The following TET3 variants were observed in gnomAD, a reference collection of about 807,000 sequenced individuals.
TET3 encodes the protein methylcytosine dioxygenase TET3.
In TET3, 19 loss-of-function variants were observed where a neutral mutation model predicts 141.4. The ratio of observed to expected loss-of-function variants is 0.13; its 90% CI spans 0.09 to 0.20. The LOEUF (loss-of-function observed/expected upper bound fraction) is 0.20. Ranked by LOEUF, TET3 falls within the 10% of genes least tolerant of loss-of-function variation. The pLI is 1.00. For missense variants in TET3, 1,874 were observed against 2,356.9 expected (o/e 0.80, Z 4.24); for synonymous variants, 1,043 against 980.9 (o/e 1.06, Z -1.18).
At chr2:74,072,969 C>T (rs76530816) in intron 4 of TET3, among the ~76,000 whole-genome samples, 1,868 of 152,322 alleles carry the variant, frequency 0.012, 36 homozygotes, top group African/African-American at 0.041. Context: ...TGTGGACATA[C>T]GCATTTTATG....
At chr2:74,048,444 G>A in intron 4 of TET3, 33 bp downstream of exon 4, 1 of 1,569,074 alleles carries the variant, frequency 6.4e-7, no homozygotes, top group Non-Finnish European at 8.6e-7. Flanking sequence ...GAAGGGCAGA[G>A]AAAGGGCTGT....
At position 74,052,780 on chromosome 2, in the gene TET3, G is replaced by C. The variant is rs550285403; in HGVS notation, c.2494+4369G>C. On this transcript the variant is annotated intron_variant, in intron 4 of 11. Transcript: ENST00000409262. ...AGTTACTCTGGAGGCTGAAGCAGAAGAATCACTTGAACCTGGGAGGCCGAG... is the reference window on the plus strand; with the variant it reads ...AGTTACTCTGGAGGCTGAAGCAGAACAATCACTTGAACCTGGGAGGCCGAG... Among the ~76,000 whole-genome samples, 3 of 152,266 alleles carry C rather than the reference G, an allele frequency of 2.0e-5. No homozygotes were observed. The East Asian group carries it at 5.8e-4, about 29-fold the overall frequency.
intron 3 of TET3, among the ~76,000 whole-genome samples, chr2:74,032,495 G>GCGCGCGCGCGCGCGCGCGA (rs1686798690): frequency 6.7e-6 from 1 of 148,944 alleles, no homozygotes; most frequent in African/African-American, 2.5e-5. Flanking sequence ...GTGTGTGTGT[G>GCGCGCGCGCGCGCGCGCGA]TGTGTGTGTG....
At chr2:74,123,352 C>T in the TET3 span, 1 of 152,486 alleles carries the variant, frequency 6.6e-6, no homozygotes, top group Non-Finnish European at 1.5e-5. Context: ...CACGCGCTGG[C>T]TCACGCCTGT....
intron 4 of TET3, among the ~76,000 whole-genome samples, chr2:74,056,544 A>G (rs565942944): frequency 2.5e-4 from 38 of 152,232 alleles, no homozygotes; most frequent in Non-Finnish European, 5.0e-4. Flanking sequence ...AAGGGGGGGA[A>G]AAAAAGAACC....
intron 3 of TET3, among the ~76,000 whole-genome samples, chr2:74,011,437 G>A (rs144184640): frequency 1.3e-5 from 2 of 152,150 alleles, no homozygotes; most frequent in African/African-American, 2.4e-5. Context: ...ACAGTAGTAC[G>A]TGCTGGCTTT....
At chr2:74,062,247 C>A (rs1377141007) in intron 4 of TET3, among the ~76,000 whole-genome samples, 1 of 152,160 alleles carries the variant, frequency 6.6e-6, no homozygotes, top group African/African-American at 2.4e-5. Context: ...AGCGAAACCC[C>A]GTCTCCACCA....
chr2:74,066,268 C>T (rs4241260), intron 4 of TET3, among the ~76,000 whole-genome samples: 46,963 of 152,034 alleles, frequency 0.31, 7,749 homozygotes, highest in African/African-American at 0.41. Flanking sequence ...CTTAATAAGA[C>T]ACTTAATATC....
intron 3 of TET3, among the ~76,000 whole-genome samples, chr2:74,038,608 G>A (rs1490719776): frequency 6.6e-6 from 1 of 152,168 alleles, no homozygotes; most frequent in African/African-American, 2.4e-5. Context: ...TAATAGCAGA[G>A]AGATCACCAA....
chr2:74,039,802 A>G (rs527245350), intron 3 of TET3, among the ~76,000 whole-genome samples: 63 of 152,274 alleles, frequency 4.1e-4, no homozygotes, highest in Non-Finnish European at 6.2e-4. Flanking sequence ...TGACTCCTCC[A>G]TGTGGCCTCT....
the TET3 span, among the ~76,000 whole-genome samples, chr2:74,116,024 A>T: frequency 2.0e-5 from 3 of 151,696 alleles, no homozygotes; most frequent in Non-Finnish European, 4.4e-5. Flanking sequence ...AAAAAAAAAA[A>T]AAAAGGCTGG....
rs372468375 is a variant in TET3, at chr2:74,087,316, C to T, written c.2680-514C>T. On this transcript the variant is annotated intron_variant, in intron 6 of 11. Transcript: ENST00000409262. This position sits in a 1 kb window ranked among gnomAD's most constrained non-coding sequence, Gnocchi z 4.3. ...GATCTGCCTGAGTCCTGCTCTCAGT[C>T]CCTCGAGTGTATTCCTAGGCATGGA... 5.1e-3 allele frequency among the ~76,000 whole-genome samples: 772 copies of T among 152,250 alleles called. 5 individuals carry two copies. Among genetic ancestry groups the T allele is most frequent in the Non-Finnish European group, 7.9e-3 (537 of 68,022 alleles).
chr2:74,127,911 A>C, the TET3 span, among the ~76,000 whole-genome samples: 1 of 152,240 alleles, frequency 6.6e-6, no homozygotes, highest in African/African-American at 2.4e-5. Context: ...TGCCTAAAGT[A>C]TTAGAAAAAG....
At position 74,090,208 on chromosome 2, in the gene TET3, G is replaced by C. The variant is rs542053532; in HGVS notation, c.3039+161G>C. ...CTGACCTTATCTTGCTGTGAAATAA[G>C]GGGTGTGTGGAGGGCACCAAGTGTG... On this transcript the variant is annotated intron_variant, in intron 8 of 11. Coordinates refer to ENST00000409262, the MANE Select transcript of TET3 (RefSeq NM_001287491.2). 6.6e-5 allele frequency among the ~76,000 whole-genome samples: 10 copies of C among 152,334 alleles called. No individual in the cohort carries two copies. The East Asian group carries it at 9.6e-4, about 15-fold the overall frequency.
At position 74,100,778 on chromosome 2, in the gene TET3, G is replaced by A. The variant is rs765158049; in HGVS notation, c.3990G>A (p.Pro1330=). 18 of 1,612,916 alleles carry A rather than the reference G, an allele frequency of 1.1e-5. No individual in the cohort carries two copies. The East Asian group carries it at 3.1e-4, about 28-fold the overall frequency. The change falls in exon 12 of 12, where the codon CCG becomes CCA. Residue 1330 remains proline (P), a synonymous_variant. Transcript: ENST00000409262. ...ACGCTCTGCACAACAGCCTGAGCCC[G>A]GCCTACGGTGGTGCTGAGTTTGCCG... is the stretch of plus-strand genomic sequence containing the variant. ...DLHALHNSLS[P]AYGGAEFAEL... is the part of the protein sequence containing the mutation.
chr2:74,028,946 G>T (rs1323017652), intron 3 of TET3, among the ~76,000 whole-genome samples: 1 of 152,118 alleles, frequency 6.6e-6, no homozygotes, highest in Non-Finnish European at 1.5e-5. Context: ...AGGAGTCCTG[G>T]CCAAGACTCA....
Position 74,103,967 on chromosome 2 carries a change from G to T in TET3, c.*1791G>T, listed in dbSNP as rs182563013. On this transcript the variant is annotated 3_prime_UTR_variant, in exon 12 of 12. Transcript: ENST00000409262. The stretch of plus-strand genomic sequence containing the variant: ...CTATAGGCAAGTTCCTGAGCTTCCG[G>T]GTGCCTTGAGTAAGAGCTGAGAACC... 11 of 153,690 alleles carry T rather than the reference G, an allele frequency of 7.2e-5. No individual in the cohort carries two copies. In the East Asian group the frequency reaches 2.1e-3, roughly 30 times the overall value. 9.5% of individuals were successfully genotyped at this position (153,690 alleles called of 1,614,324 possible). A position where few individuals can be genotyped will look rare whatever the true frequency, so the allele number is the denominator to read the frequency against.
At chr2:74,007,303 GA>G (rs1311629228) in intron 3 of TET3, among the ~76,000 whole-genome samples, 1 of 152,204 alleles carries the variant, frequency 6.6e-6, no homozygotes, top group East Asian at 1.9e-4. Context: ...CTGGCTCAGA[GA>G]ACCTCAAGGG....
intron 6 of TET3, among the ~76,000 whole-genome samples, chr2:74,086,776 G>A (rs567910551): frequency 4.9e-5 from 6 of 123,558 alleles, no homozygotes; most frequent in African/African-American, 1.9e-4. Flanking sequence ...GGGCAACAGA[G>A]TAAGACCCTG....
Sources: gnomAD v4.1 joint callset for allele counts (sites outside exome capture counted in the v4.1 genomes callset) on GRCh38, gnomAD v4.1.1 for gene constraint, Gnocchi (gnomAD v3.1) non-coding constraint, MANE v1.5 for transcripts, NCBI Gene and HGNC (gene_info 2026-07-23, HGNC 2026-07-21) for gene names.